NRG3: variants seen among roughly 807,000 people sequenced by gnomAD.
The protein encoded by NRG3 is pro-neuregulin-3, membrane-bound isoform.
Under a neutral mutation model 66.9 loss-of-function variants are expected in NRG3, and 31 were observed. That is an observed-to-expected ratio of 0.46 (90% confidence interval 0.35 to 0.63). The LOEUF (loss-of-function observed/expected upper bound fraction) is 0.63, where lower values mean the gene tolerates loss of function less well. Ranked by LOEUF, NRG3 falls within the 20% of genes least tolerant of loss-of-function variation. The pLI is 0.00. For synonymous variants in NRG3, 393 were observed against 359.4 expected (o/e 1.09, Z -1.06); for missense variants, 910 against 878.9 (o/e 1.04, Z -0.45).
intron 2 of NRG3, among the ~76,000 whole-genome samples, chr10:82,609,873 T>G (rs181311584): frequency 6.6e-6 from 1 of 152,290 alleles, no homozygotes; most frequent in Non-Finnish European, 1.5e-5. Context: ...TACCACAAAT[T>G]TAGCAACTTA....
intron 2 of NRG3, among the ~76,000 whole-genome samples, chr10:82,683,182 T>TCTC (rs1372160654): frequency 2.6e-5 from 4 of 151,858 alleles, no homozygotes; most frequent in South Asian, 2.1e-4. Flanking sequence ...ATGGTCTCGA[T>TCTC]CTGACCTCGT....
At chr10:82,151,595 C>A (rs1375238434) in intron 1 of NRG3, among the ~76,000 whole-genome samples, 1 of 152,094 alleles carries the variant, frequency 6.6e-6, no homozygotes, top group Non-Finnish European at 1.5e-5. Flanking sequence ...CTCACTTAGT[C>A]GTCTGTAATT....
At chr10:82,134,226 T>C (rs2069153048) in intron 1 of NRG3, among the ~76,000 whole-genome samples, 1 of 152,180 alleles carries the variant, frequency 6.6e-6, no homozygotes, top group South Asian at 2.1e-4. Flanking sequence ...GTTTACTCTG[T>C]TGAAAGTTTC....
intron 2 of NRG3, among the ~76,000 whole-genome samples, chr10:82,631,395 T>G (rs1379803540): frequency 3.3e-5 from 5 of 152,146 alleles, no homozygotes; most frequent in Non-Finnish European, 1.5e-5. Flanking sequence ...GCCCATCGTC[T>G]CTATATTTTG....
intron 2 of NRG3, among the ~76,000 whole-genome samples, chr10:82,486,811 A>G (rs1439430336): frequency 6.6e-6 from 1 of 152,148 alleles, no homozygotes; most frequent in East Asian, 1.9e-4. Flanking sequence ...GTTAAGTGAA[A>G]TAAGCCAGTC....
At chr10:82,665,549 G>A (rs1190381493) in intron 2 of NRG3, among the ~76,000 whole-genome samples, 1 of 152,014 alleles carries the variant, frequency 6.6e-6, no homozygotes, top group African/African-American at 2.4e-5. Flanking sequence ...CCTCATGACT[G>A]GTTTATTCAG....
At chr10:82,410,369 C>T (rs980036374) in intron 2 of NRG3, among the ~76,000 whole-genome samples, 2 of 150,830 alleles carry the variant, frequency 1.3e-5, no homozygotes, top group African/African-American at 4.9e-5. Flanking sequence ...AGGGATGCCA[C>T]GACATAGTTG....
At chr10:82,183,621 C>T (rs987327517) in intron 1 of NRG3, among the ~76,000 whole-genome samples, 4 of 152,006 alleles carry the variant, frequency 2.6e-5, no homozygotes, top group African/African-American at 7.2e-5. Context: ...ATAATATTTG[C>T]TCATGTAATT....
At chr10:82,675,078 C>A (rs1281574140) in intron 2 of NRG3, among the ~76,000 whole-genome samples, 2 of 152,164 alleles carry the variant, frequency 1.3e-5, no homozygotes, top group African/African-American at 4.8e-5. Context: ...TCCTCCCCAA[C>A]CCCCTGAGTA....
At chr10:82,862,972 C>T (rs958464271) in intron 3 of NRG3, among the ~76,000 whole-genome samples, 1 of 152,088 alleles carries the variant, frequency 6.6e-6, no homozygotes, top group Non-Finnish European at 1.5e-5. Context: ...TTAAGCCCCA[C>T]ATGCATTACG....
At chr10:81,877,628 G>GA (rs1470011019) in intron 1 of NRG3, 65 of 1,136,768 alleles carry the variant, frequency 5.7e-5, no homozygotes, top group Middle Eastern at 3.7e-4. Context: ...GGGAAAGGGG[G>GA]AAAAAAAAGC....
intron 1 of NRG3, among the ~76,000 whole-genome samples, chr10:82,257,359 A>G (rs1256295090): frequency 6.6e-6 from 1 of 152,208 alleles, no homozygotes; most frequent in African/African-American, 2.4e-5. Flanking sequence ...TGTGTTTCAT[A>G]AAAGGCCTTC....
At chr10:81,879,985 A>G (rs1394468884) in intron 1 of NRG3, among the ~76,000 whole-genome samples, 1 of 152,242 alleles carries the variant, frequency 6.6e-6, no homozygotes, top group Non-Finnish European at 1.5e-5. Flanking sequence ...GAGAGGATTC[A>G]GAGCTCAGGA....
chr10:82,357,337 G>A (rs1383265139), intron 1 of NRG3, among the ~76,000 whole-genome samples: 1 of 152,214 alleles, frequency 6.6e-6, no homozygotes, highest in African/African-American at 2.4e-5. Flanking sequence ...ACAGGGGTGA[G>A]TTTCCTTTTA....
chr10:82,342,603 T>C (rs1231966217), intron 1 of NRG3, among the ~76,000 whole-genome samples: 1 of 152,052 alleles, frequency 6.6e-6, no homozygotes, highest in East Asian at 1.9e-4. Context: ...TTTTGCCCCC[T>C]TTTTAATAGA....
chr10:82,143,896 G>A (rs528729539), intron 1 of NRG3, among the ~76,000 whole-genome samples: 9 of 152,084 alleles, frequency 5.9e-5, no homozygotes, highest in Non-Finnish European at 8.8e-5. Context: ...AGGGCATGGT[G>A]GTGCACACCC....
intron 1 of NRG3, among the ~76,000 whole-genome samples, chr10:82,166,192 T>C (rs183832305): frequency 1.3e-5 from 2 of 152,144 alleles, no homozygotes; most frequent in Non-Finnish European, 2.9e-5. Context: ...CCGGCTAATT[T>C]TGTATTTTTA....
chr10:82,193,774 C>T (rs10884328), intron 1 of NRG3, among the ~76,000 whole-genome samples: 5 of 152,034 alleles, frequency 3.3e-5, no homozygotes, highest in Non-Finnish European at 7.3e-5. Flanking sequence ...AAAGCTTGTT[C>T]CATTTGAAAT....
intron 3 of NRG3, among the ~76,000 whole-genome samples, chr10:82,848,459 A>G (rs1029701369): frequency 3.9e-5 from 6 of 152,182 alleles, no homozygotes; most frequent in African/African-American, 7.2e-5. Flanking sequence ...CCCACATTGT[A>G]TCTAGGAAGT....
Sources: gnomAD v4.1 joint callset for allele counts (sites outside exome capture counted in the v4.1 genomes callset) on GRCh38, gnomAD v4.1.1 for gene constraint, MANE v1.5 for transcripts, NCBI Gene and HGNC (gene_info 2026-07-23, HGNC 2026-07-21) for gene names.